The following CCDC3 variants were observed in gnomAD, a reference collection of about 807,000 sequenced individuals.
CCDC3 encodes coiled-coil domain-containing protein 3.
CCDC3 carries 24 observed loss-of-function variants against 21.4 expected under a neutral mutation model. The observed-to-expected ratio is 1.12, with a 90% CI of 0.81 to 1.58. The LOEUF (loss-of-function observed/expected upper bound fraction) is 1.58. Ranked by LOEUF, CCDC3 falls within the 40% of genes most tolerant of loss-of-function variation. The probability of loss-of-function intolerance (pLI) is 0.00; values close to 1 mark genes in which losing one functional copy is unlikely to be tolerated. For synonymous variants in CCDC3, 186 were observed against 166.0 expected (o/e 1.12, Z -0.93); for missense variants, 425 against 360.9 (o/e 1.18, Z -1.44).
chr10:13,020,136 C>T (rs58325255), intron 5 of CCDC3, among the ~76,000 whole-genome samples: 4,404 of 152,214 alleles, frequency 0.029, 246 homozygotes, highest in African/African-American at 0.1. Flanking sequence ...ATTTTCACTT[C>T]GACTTCAGAT....
In CCDC3 at chr10:13,085,584, A is replaced by G. The variant is rs1211099273; in HGVS notation, c.-502-11484T>C. On this transcript the variant is annotated intron_variant, in intron 3 of 6. Coordinates refer to the CCDC3 transcript ENST00000378839. ...AAGACCGTGGAAAGCAGTCTCCAAC[A>G]TTTTGTTTAATTCAAACTTTTTGAT... Among the ~76,000 whole-genome samples, 4 of 152,200 alleles carry G rather than the reference A, an allele frequency of 2.6e-5. No homozygotes were observed. The East Asian group carries it at 7.7e-4, about 29-fold the overall frequency.
At chr10:12,919,554 C>T (rs1323809780) in intron 2 of CCDC3, among the ~76,000 whole-genome samples, 1 of 144,442 alleles carries the variant, frequency 6.9e-6, no homozygotes, top group Non-Finnish European at 1.5e-5. Flanking sequence ...CATGCCACTG[C>T]ACTCCAGCCT....
intron 2 of CCDC3, among the ~76,000 whole-genome samples, chr10:12,973,955 C>T (rs1835378795): frequency 6.6e-6 from 1 of 152,196 alleles, no homozygotes; most frequent in South Asian, 2.1e-4. Flanking sequence ...ACTGACTTCC[C>T]TATCCTCACC....
intron 3 of CCDC3, among the ~76,000 whole-genome samples, chr10:13,083,853 C>T (rs1306814456): frequency 1.3e-5 from 2 of 152,212 alleles, no homozygotes; most frequent in African/African-American, 4.8e-5. Flanking sequence ...TTGCTTCCCT[C>T]CTTTATTCAG....
chr10:12,957,749 C>T (rs1009156689), intron 2 of CCDC3, among the ~76,000 whole-genome samples: 1 of 152,230 alleles, frequency 6.6e-6, no homozygotes, highest in African/African-American at 2.4e-5. Flanking sequence ...TGATTGCAGG[C>T]TTCCTGAGAC....
At chr10:12,992,584 C>T (rs1277974484) in intron 2 of CCDC3, among the ~76,000 whole-genome samples, 1 of 151,860 alleles carries the variant, frequency 6.6e-6, no homozygotes, top group Admixed American at 6.6e-5. Context: ...TGTTCTCACT[C>T]ATAAATGGGA....
At chr10:12,902,702 G>A (rs1204841878) in intron 2 of CCDC3, among the ~76,000 whole-genome samples, 1 of 152,136 alleles carries the variant, frequency 6.6e-6, no homozygotes, top group Non-Finnish European at 1.5e-5. Context: ...GGAGGATGCT[G>A]GGACTTGAGT....
At chr10:13,006,628 C>G (rs955420889), upstream of CCDC3, among the ~76,000 whole-genome samples, 8 of 152,124 alleles carry the variant, frequency 5.3e-5, no homozygotes, top group Non-Finnish European at 8.8e-5. Flanking sequence ...AAGCCATCAC[C>G]CATGGGTCAG....
At chr10:12,911,988 G>T (rs1316237903) in intron 2 of CCDC3, among the ~76,000 whole-genome samples, 1 of 151,848 alleles carries the variant, frequency 6.6e-6, no homozygotes, top group East Asian at 1.9e-4. Flanking sequence ...CTTTTTTAAG[G>T]GTGCATAGTA....
chr10:13,039,664 G>C (rs2131417120), intron 5 of CCDC3, among the ~76,000 whole-genome samples: 1 of 152,272 alleles, frequency 6.6e-6, no homozygotes, highest in East Asian at 1.9e-4. Context: ...TTAAAGTTGG[G>C]AGAGTGCAGA....
chr10:13,000,210 A>G (rs1835825473), intron 1 of CCDC3, among the ~76,000 whole-genome samples: 1 of 152,208 alleles, frequency 6.6e-6, no homozygotes, highest in African/African-American at 2.4e-5. Flanking sequence ...TTAATTTACT[A>G]TCTTGATAGA....
intron 2 of CCDC3, among the ~76,000 whole-genome samples, chr10:12,942,077 G>A (rs1465422550): frequency 6.6e-6 from 1 of 152,140 alleles, no homozygotes; most frequent in Non-Finnish European, 1.5e-5. Context: ...CCTTTGAGAT[G>A]TCCATTTTCT....
chr10:12,933,065 G>A (rs66992359), intron 2 of CCDC3, among the ~76,000 whole-genome samples: 14,773 of 152,144 alleles, frequency 0.097, 762 homozygotes, highest in African/African-American at 0.13. Context: ...TTTGCAAACA[G>A]CATCATGTTG....
intron 3 of CCDC3, among the ~76,000 whole-genome samples, chr10:13,082,617 G>A (rs966707595): frequency 6.6e-6 from 1 of 152,106 alleles, no homozygotes; most frequent in African/African-American, 2.4e-5. Flanking sequence ...GCTAAGTAAC[G>A]GGTGCCTTCC....
chr10:13,065,062 C>T (rs997128100), intron 4 of CCDC3, among the ~76,000 whole-genome samples: 5 of 151,670 alleles, frequency 3.3e-5, no homozygotes, highest in South Asian at 2.1e-4. Flanking sequence ...CCAAGATTTC[C>T]GAGATTTATT....
intron 5 of CCDC3, among the ~76,000 whole-genome samples, chr10:13,042,677 G>C (rs931330168): frequency 6.6e-6 from 1 of 151,652 alleles, no homozygotes; most frequent in African/African-American, 2.4e-5. Context: ...GGGAGGCTGA[G>C]GTGGGCGGAT....
At chr10:12,976,243 G>A (rs1433870306) in intron 2 of CCDC3, among the ~76,000 whole-genome samples, 1 of 152,238 alleles carries the variant, frequency 6.6e-6, no homozygotes, top group Admixed American at 6.5e-5. Flanking sequence ...AAATGAGCAT[G>A]TAGCTGAGTA....
chr10:13,053,113 C>G (rs1441538211), intron 4 of CCDC3, among the ~76,000 whole-genome samples: 1 of 152,070 alleles, frequency 6.6e-6, no homozygotes, highest in Non-Finnish European at 1.5e-5. Context: ...AGGATTTTTC[C>G]TCTCCAACCT....
intron 2 of CCDC3, among the ~76,000 whole-genome samples, chr10:12,986,754 C>T (rs1255156884): frequency 7.0e-6 from 1 of 142,626 alleles, no homozygotes; most frequent in Non-Finnish European, 1.5e-5. Context: ...GCCTGGGCGG[C>T]AGAGCGAGAC....
Sources: allele counts gnomAD v4.1 joint callset (sites outside exome capture counted in the v4.1 genomes callset), GRCh38; gene constraint gnomAD v4.1.1; transcripts MANE v1.5; gene names NCBI Gene and HGNC (gene_info 2026-07-23, HGNC 2026-07-21).